The following ANKS1B variants were observed in gnomAD, a reference collection of about 807,000 sequenced individuals.
ANKS1B encodes ankyrin repeat and sterile alpha motif domain-containing protein 1B.
Under a neutral mutation model 148.3 loss-of-function variants are expected in ANKS1B, and 36 were observed. That is an observed-to-expected ratio of 0.24 (90% CI 0.19 to 0.32). The LOEUF is 0.32. Among genes scored for constraint, ANKS1B ranks in the 10% least tolerant of loss-of-function variants. The pLI, the probability that ANKS1B is intolerant of heterozygous loss-of-function variation, is 1.00. For missense variants in ANKS1B, 1,157 were observed against 1,542.6 expected (o/e 0.75, Z 4.19); for synonymous variants, 542 against 560.8 (o/e 0.97, Z 0.47).
At chr12:98,879,158 A>G (rs929191842) in intron 17 of ANKS1B, among the ~76,000 whole-genome samples, 1 of 152,184 alleles carries the variant, frequency 6.6e-6, no homozygotes, top group South Asian at 2.1e-4. Flanking sequence ...TTGGTGATGT[A>G]TTGACCTTTG....
intron 9 of ANKS1B, among the ~76,000 whole-genome samples, chr12:99,632,736 TATATATATATATATATATATATATATA>T (rs2098176917): frequency 5.9e-5 from 2 of 33,888 alleles, no homozygotes; most frequent in African/African-American, 3.1e-4. Context: ...TCTATATATA[TATATATATATATATATATATATATATA>T]TATATTTTAA....
intron 8 of ANKS1B, among the ~76,000 whole-genome samples, chr12:99,660,362 T>C (rs901540410): frequency 7.9e-6 from 1 of 126,772 alleles, no homozygotes; most frequent in Admixed American, 8.5e-5. Context: ...TTTTTCTTTT[T>C]CTTTTTTTTT....
chr12:99,946,159 G>T (rs1455762091), intron 1 of ANKS1B, among the ~76,000 whole-genome samples: 1 of 152,120 alleles, frequency 6.6e-6, no homozygotes, highest in African/African-American at 2.4e-5. Context: ...ACCAGAAAGA[G>T]TAGACATTCT....
chr12:99,900,273 C>T (rs372423037), intron 1 of ANKS1B, among the ~76,000 whole-genome samples: 17 of 151,108 alleles, frequency 1.1e-4, no homozygotes, highest in Admixed American at 2.0e-4. Flanking sequence ...TTTGGGAGGC[C>T]GAGGCAGGTG....
At chr12:99,285,248 C>T (rs2078976185) in intron 12 of ANKS1B, among the ~76,000 whole-genome samples, 1 of 152,162 alleles carries the variant, frequency 6.6e-6, no homozygotes, top group South Asian at 2.1e-4. Context: ...TGCCTTTACT[C>T]AGCATAGTTA....
At chr12:99,133,668 G>T (rs2066927705) in intron 15 of ANKS1B, among the ~76,000 whole-genome samples, 1 of 152,186 alleles carries the variant, frequency 6.6e-6, no homozygotes, top group African/African-American at 2.4e-5. Flanking sequence ...TCCTTCAGAA[G>T]TCCAAGGCAA....
chr12:99,477,408 A>G (rs1179315220), intron 10 of ANKS1B, among the ~76,000 whole-genome samples: 1 of 152,060 alleles, frequency 6.6e-6, no homozygotes, highest in African/African-American at 2.4e-5. Flanking sequence ...CGATTTTACA[A>G]CTGCAAGCCC....
chr12:99,257,958 T>C (rs1314242631), intron 12 of ANKS1B, among the ~76,000 whole-genome samples: 2 of 152,220 alleles, frequency 1.3e-5, no homozygotes, highest in African/African-American at 4.8e-5. Context: ...CAAGAGTGAC[T>C]GGAGCAGGCA....
chr12:98,922,655 C>T (rs1464402499), intron 17 of ANKS1B, among the ~76,000 whole-genome samples: 1 of 151,984 alleles, frequency 6.6e-6, no homozygotes, highest in Admixed American at 6.6e-5. Flanking sequence ...TGCACCACCA[C>T]GCCTGGCTAA....
chr12:98,750,622 T>C (rs2098058943), intron 26 of ANKS1B, among the ~76,000 whole-genome samples: 1 of 152,134 alleles, frequency 6.6e-6, no homozygotes. Flanking sequence ...TAGGATGCAA[T>C]ACGGCAGCCG....
At chr12:99,104,982 T>C (rs944609295) in intron 15 of ANKS1B, 1 of 152,220 alleles carries the variant, frequency 6.6e-6, no homozygotes, top group Non-Finnish European at 1.5e-5. Context: ...TGGCATACAG[T>C]AGACATTCAG....
intron 12 of ANKS1B, among the ~76,000 whole-genome samples, chr12:99,306,803 C>T (rs1407484156): frequency 7.2e-5 from 11 of 152,076 alleles, no homozygotes; most frequent in African/African-American, 2.4e-4. Context: ...TTCATTTTCA[C>T]ATATCTAGTG....
intron 12 of ANKS1B, among the ~76,000 whole-genome samples, chr12:99,333,138 A>G (rs2087926996): frequency 6.6e-6 from 1 of 152,088 alleles, no homozygotes; most frequent in South Asian, 2.1e-4. Flanking sequence ...GTAAAGGCAG[A>G]TAAGGCTGGA....
At chr12:98,825,723 T>C (rs1262240126) in intron 19 of ANKS1B, among the ~76,000 whole-genome samples, 1 of 152,206 alleles carries the variant, frequency 6.6e-6, no homozygotes, top group Non-Finnish European at 1.5e-5. Flanking sequence ...CACTCTCTTA[T>C]TGTTCATTTT....
At chr12:99,515,491 T>C (rs1329439685) in intron 9 of ANKS1B, among the ~76,000 whole-genome samples, 4 of 152,156 alleles carry the variant, frequency 2.6e-5, no homozygotes, top group African/African-American at 9.7e-5. Context: ...ATCCATGTTG[T>C]TGCAAATAAA....
At chr12:99,255,401 C>A (rs765022711) in intron 12 of ANKS1B, among the ~76,000 whole-genome samples, 1 of 152,086 alleles carries the variant, frequency 6.6e-6, no homozygotes, top group East Asian at 1.9e-4. Flanking sequence ...AAAGTGCATC[C>A]ATTTTTTTAG....
At chr12:99,135,678 A>G (rs1388885892) in intron 15 of ANKS1B, among the ~76,000 whole-genome samples, 1 of 152,242 alleles carries the variant, frequency 6.6e-6, no homozygotes, top group African/African-American at 2.4e-5. Flanking sequence ...GAATATGGGC[A>G]TTTTTAGATT....
chr12:99,097,528 T>G (rs952075901), intron 15 of ANKS1B: 3 of 152,278 alleles, frequency 2.0e-5, no homozygotes, highest in Middle Eastern at 6.8e-3. Context: ...ATTTAAATCA[T>G]TATTCAAAGT....
At chr12:98,832,946 T>C (rs1171519611) in intron 17 of ANKS1B, among the ~76,000 whole-genome samples, 1 of 151,944 alleles carries the variant, frequency 6.6e-6, no homozygotes, top group Non-Finnish European at 1.5e-5. Context: ...TATGAAAGAA[T>C]GAATGGTAAT....
Sources: gnomAD v4.1 joint callset for allele counts (sites outside exome capture counted in the v4.1 genomes callset) on GRCh38, gnomAD v4.1.1 for gene constraint, MANE v1.5 for transcripts, NCBI Gene and HGNC (gene_info 2026-07-23, HGNC 2026-07-21) for gene names.